MMP26: variants seen among roughly 807,000 people sequenced by gnomAD.
MMP26 encodes matrix metalloproteinase-26.
MMP26 carries 33 observed loss-of-function variants against 31.0 expected under a neutral mutation model. The ratio of observed to expected loss-of-function variants is 1.06; its 90% CI spans 0.81 to 1.42. MMP26 has a LOEUF of 1.42. MMP26 is among the 40% of genes most tolerant of loss of function. The pLI, the probability that MMP26 is intolerant of heterozygous loss-of-function variation, is 0.00. For synonymous variants in MMP26, 122 were observed against 114.9 expected, an observed-to-expected ratio of 1.06 and a Z score of -0.40; for missense variants, 347 against 316.1, an observed-to-expected ratio of 1.10 and a Z score of -0.74.
At chr11:4,839,572 C>G (rs552307037) in intron 2 of MMP26, among the ~76,000 whole-genome samples, 1 of 151,894 alleles carries the variant, frequency 6.6e-6, no homozygotes, top group South Asian at 2.1e-4. Flanking sequence ...GATGGCATTT[C>G]TAGACACATC....
intron 2 of MMP26, among the ~76,000 whole-genome samples, chr11:4,792,952 G>A (rs547297374): frequency 4.6e-5 from 7 of 152,092 alleles, no homozygotes; most frequent in East Asian, 1.9e-4. Flanking sequence ...ATTCTCTTAC[G>A]TTTGTATCAG....
chr11:4,895,578 G>T (rs1333598260), intron 2 of MMP26, among the ~76,000 whole-genome samples: 1 of 152,184 alleles, frequency 6.6e-6, no homozygotes, highest in African/African-American at 2.4e-5. Flanking sequence ...TTTCTGAGAT[G>T]AACAATAGAT....
chr11:4,892,622 C>T (rs1850641375), intron 2 of MMP26, among the ~76,000 whole-genome samples: 1 of 152,150 alleles, frequency 6.6e-6, no homozygotes, highest in Admixed American at 6.6e-5. Context: ...AATTGATTTC[C>T]ATTTGACTAA....
intron 2 of MMP26, among the ~76,000 whole-genome samples, chr11:4,856,860 A>G (rs1286417840): frequency 6.6e-6 from 1 of 152,242 alleles, no homozygotes; most frequent in African/African-American, 2.4e-5. Context: ...AACAGAAACT[A>G]TAACAAACTG....
chr11:4,813,049 G>C (rs1849371617), intron 2 of MMP26, among the ~76,000 whole-genome samples: 1 of 151,526 alleles, frequency 6.6e-6, no homozygotes, highest in Non-Finnish European at 1.5e-5. Context: ...CCTGGAAAAT[G>C]AATATACCAA....
intron 2 of MMP26, among the ~76,000 whole-genome samples, chr11:4,906,517 G>A (rs769197221): frequency 8.5e-5 from 13 of 152,158 alleles, no homozygotes; most frequent in Non-Finnish European, 1.5e-4. Flanking sequence ...ATGTGCATAA[G>A]TACCTACCTC....
At chr11:4,884,825 G>T (rs1461461126) in intron 2 of MMP26, among the ~76,000 whole-genome samples, 3 of 152,012 alleles carry the variant, frequency 2.0e-5, no homozygotes, top group African/African-American at 7.2e-5. Flanking sequence ...ATAGAAACTT[G>T]TGTGAACATA....
At position 4,942,089 on chromosome 11, in the gene MMP26, C is replaced by CAAAAAAA. The variant is rs201626472; in HGVS notation, c.-144-45964_-144-45958dup. On this transcript the variant is annotated intron_variant, in intron 2 of 7. Coordinates refer to ENST00000380390, the MANE Select transcript of MMP26 (RefSeq NM_021801.5). ...TGGGCAGCAGAATGAGAGTCCATCT[C>CAAAAAAA]AAAAAAAAAAAAAAAAAAAAAGGAA... Among the ~76,000 whole-genome samples the CAAAAAAA allele has an allele frequency of 6.7e-4, 25 of 37,118 alleles. 2 individuals carry two copies. The highest frequency in any genetic ancestry group is 2.0e-3 in the East Asian group (3 of 1,492). The allele number at this position is 37,118 out of a possible 152,430, so 24.4% of individuals were successfully genotyped here.
intron 2 of MMP26, among the ~76,000 whole-genome samples, chr11:4,855,383 G>T (rs974985323): frequency 6.6e-6 from 1 of 152,164 alleles, no homozygotes; most frequent in African/African-American, 2.4e-5. Flanking sequence ...TAAATGACCT[G>T]AAATGAGCTG....
At chr11:4,788,307 C>A (rs908439676) in intron 2 of MMP26, among the ~76,000 whole-genome samples, 1 of 151,792 alleles carries the variant, frequency 6.6e-6, no homozygotes, top group African/African-American at 2.4e-5. Flanking sequence ...GTGAATCTCA[C>A]TGAGATTCCT....
intron 2 of MMP26, among the ~76,000 whole-genome samples, chr11:4,981,907 A>G (rs528185197): frequency 6.6e-6 from 1 of 151,884 alleles, no homozygotes; most frequent in African/African-American, 2.4e-5. Context: ...AGGATCATCA[A>G]TATCATTGTC....
intron 1 of MMP26, among the ~76,000 whole-genome samples, chr11:4,720,140 C>T (rs1415564513): frequency 6.6e-6 from 1 of 152,166 alleles, no homozygotes; most frequent in African/African-American, 2.4e-5. Flanking sequence ...TTGTCAGTAA[C>T]CGAACTGTAT....
At chr11:4,830,824 A>G (rs1849636617) in intron 2 of MMP26, among the ~76,000 whole-genome samples, 1 of 152,186 alleles carries the variant, frequency 6.6e-6, no homozygotes, top group Non-Finnish European at 1.5e-5. Context: ...CTGGTCACCA[A>G]TCTGAAGGGT....
intron 2 of MMP26, chr11:4,769,463 G>A (rs1848681306): frequency 6.2e-7 from 1 of 1,613,002 alleles, no homozygotes; most frequent in East Asian, 2.2e-5. Flanking sequence ...TATAGCACGT[G>A]TAATCATCAG....
chr11:4,753,505 T>C (rs1215528519), intron 1 of MMP26, among the ~76,000 whole-genome samples: 1 of 152,172 alleles, frequency 6.6e-6, no homozygotes, highest in African/African-American at 2.4e-5. Flanking sequence ...TATTTTGGAC[T>C]AATCCTTGTT....
At chr11:4,734,960 C>G (rs1848220237) in intron 1 of MMP26, among the ~76,000 whole-genome samples, 1 of 152,128 alleles carries the variant, frequency 6.6e-6, no homozygotes, top group African/African-American at 2.4e-5. Context: ...TGAGTGAGGG[C>G]TGGGTGGATG....
intron 2 of MMP26, among the ~76,000 whole-genome samples, chr11:4,892,026 GAC>G (rs1397246052): frequency 6.6e-6 from 1 of 151,856 alleles, no homozygotes; most frequent in Non-Finnish European, 1.5e-5. Context: ...GAGGCTGCAA[GAC>G]ATATAAAGCA....
intron 2 of MMP26, among the ~76,000 whole-genome samples, chr11:4,921,632 T>A (rs1851185900): frequency 6.6e-6 from 1 of 152,198 alleles, no homozygotes; most frequent in Admixed American, 6.5e-5. Context: ...AAACTTGGTA[T>A]TTCACGAGAA....
At chr11:4,721,740 G>A (rs531308159) in intron 1 of MMP26, among the ~76,000 whole-genome samples, 1 of 152,294 alleles carries the variant, frequency 6.6e-6, no homozygotes, top group Non-Finnish European at 1.5e-5. Flanking sequence ...TCATGCTTCA[G>A]GGTGTTGACC....
Sources: gnomAD v4.1 joint callset for allele counts (sites outside exome capture counted in the v4.1 genomes callset) on GRCh38, gnomAD v4.1.1 for gene constraint, MANE v1.5 for transcripts, NCBI Gene and HGNC (gene_info 2026-07-23, HGNC 2026-07-21) for gene names.